ZNF793: variants seen among roughly 807,000 people sequenced by gnomAD.
ZNF793 encodes the protein zinc finger protein 793.
A neutral mutation model predicts 12.4 loss-of-function variants in ZNF793; 5 were observed. That is an observed-to-expected ratio of 0.40 (90% CI 0.21 to 0.84). The LOEUF (loss-of-function observed/expected upper bound fraction) is 0.84, where lower values mean the gene tolerates loss of function less well. Among genes scored for constraint, ZNF793 ranks in the 40% least tolerant of loss-of-function variants. ZNF793 has a pLI of 0.35. For synonymous variants in ZNF793, 162 were observed against 172.4 expected (o/e 0.94, Z 0.47); for missense variants, 456 against 495.0 (o/e 0.92, Z 0.75).
intron 2 of ZNF793, among the ~76,000 whole-genome samples, chr19:37,517,842 CATT>C (rs2042344966): frequency 1.3e-5 from 2 of 151,450 alleles, no homozygotes; most frequent in African/African-American, 4.9e-5. Context: ...TTTGATTTGT[CATT>C]ATTGTACATT....
chr19:37,538,533 G>A lies in ZNF793; in HGVS notation c.*654G>A, dbSNP rs920185010. ...AGGCTGGTCTCGAACTCCTGACCTC[G>A]TGATACCCCCCAACCCCCCGCCCTT... On this transcript the variant is annotated 3_prime_UTR_variant, in exon 8 of 8. Coordinates refer to ENST00000627814, the MANE Select transcript of ZNF793 (RefSeq NM_001013659.3). The A allele has an allele frequency of 7.2e-5, 11 of 152,126 alleles. No homozygotes were observed. Among genetic ancestry groups the A allele is most frequent in the Non-Finnish European group, 7.3e-5 (5 of 68,108 alleles). The allele number at this position is 152,126 out of a possible 1,614,324, so 9.4% of individuals were successfully genotyped here. A position where few individuals can be genotyped will look rare whatever the true frequency, so the allele number is the denominator to read the frequency against.
chr19:37,532,528 A>G, intron 6 of ZNF793, 46 bp downstream of exon 6: 1 of 1,510,936 alleles, frequency 6.6e-7, no homozygotes, highest in South Asian at 1.3e-5. Flanking sequence ...TCGAATGACC[A>G]CCTTTCCTTT....
intron 2 of ZNF793, among the ~76,000 whole-genome samples, chr19:37,512,876 T>C (rs1018303624): frequency 2.6e-5 from 4 of 152,240 alleles, no homozygotes; most frequent in African/African-American, 9.6e-5. Flanking sequence ...TTACATGTTG[T>C]ATTTAGTTGT....
chr19:37,517,959 A>G (rs2042345693), intron 2 of ZNF793, among the ~76,000 whole-genome samples: 1 of 152,162 alleles, frequency 6.6e-6, no homozygotes, highest in South Asian at 2.1e-4. Context: ...AATTCCTTTC[A>G]GTCCCTTCAC....
In ZNF793 at chr19:37,536,725, C is replaced by A. The variant is rs781666481; in HGVS notation, c.239-172C>A. The A allele has an allele frequency of 7.0e-4, 457 of 649,878 alleles. 1 individual carries two copies. The highest frequency in any genetic ancestry group is 1.0e-3 in the Non-Finnish European group (390 of 389,366). The allele number at this position is 649,878 out of a possible 1,614,324, so 40.3% of individuals were successfully genotyped here. A position where few individuals can be genotyped will look rare whatever the true frequency, so the allele number is the denominator to read the frequency against. On this transcript the variant is annotated intron_variant, in intron 7 of 7. Coordinates refer to ENST00000627814, the MANE Select transcript of ZNF793 (RefSeq NM_001013659.3). ...CTATACTCTATGATATATTGAATTC[C>A]ATTTGTGCCAGTGTTCAGAATCCTC...
intron 1 of ZNF793, among the ~76,000 whole-genome samples, chr19:37,507,817 G>C (rs1000138370): frequency 5.3e-5 from 8 of 152,176 alleles, no homozygotes; most frequent in African/African-American, 1.9e-4. Context: ...GTTCTTTGTA[G>C]TTACTGACCT....
chr19:37,534,724 C>T (rs1288498853), intron 7 of ZNF793: 2 of 152,106 alleles, frequency 1.3e-5, no homozygotes, highest in Non-Finnish European at 2.9e-5. Flanking sequence ...CTCTGTCACC[C>T]AGGCTGGAGT....
At chr19:37,517,647 A>G (rs1274745463) in intron 2 of ZNF793, among the ~76,000 whole-genome samples, 3 of 152,106 alleles carry the variant, frequency 2.0e-5, no homozygotes, top group Non-Finnish European at 4.4e-5. Context: ...CTTTATGTAG[A>G]AATGGAGTAG....
intron 2 of ZNF793, among the ~76,000 whole-genome samples, chr19:37,516,417 A>T (rs1311001972): frequency 6.6e-6 from 1 of 152,138 alleles, no homozygotes; most frequent in African/African-American, 2.4e-5. Flanking sequence ...TACAGGTGTG[A>T]GCCACTGTGC....
Position 37,536,934 on chromosome 19 carries a change from G to T in ZNF793, c.276G>T (p.Arg92=). 6.2e-7 allele frequency: 1 copy of T among 1,612,730 alleles called. No homozygotes were observed. The highest frequency in any genetic ancestry group is 8.5e-7 in the Non-Finnish European group (1 of 1,179,532). ...IWRVNIQRKR[R]QDMLLRPGAA... is the part of the protein sequence containing the mutation. Reference sequence around the variant, plus strand: ...GAGTTAATATCCAGAGGAAAAGACGGCAAGACATGCTTTTGAGGCCAGGCG... The same window carrying T: ...GAGTTAATATCCAGAGGAAAAGACGTCAAGACATGCTTTTGAGGCCAGGCG... Residue 92 remains arginine (R), a synonymous_variant, in exon 8 of 8, where the codon CGG becomes CGT. Transcript: ENST00000627814.
chr19:37,526,859 A>G (rs760990836), intron 5 of ZNF793, among the ~76,000 whole-genome samples: 1 of 152,220 alleles, frequency 6.6e-6, no homozygotes, highest in Non-Finnish European at 1.5e-5. Context: ...CAGTGGCCCC[A>G]GCACTGCAAT....
chr19:37,506,871 T>A (rs2042252935), upstream of ZNF793: 1 of 152,262 alleles, frequency 6.6e-6, no homozygotes, highest in South Asian at 2.1e-4. Flanking sequence ...CCCAGAATCC[T>A]GTTCACTGGA....
rs760983396 is a variant in ZNF793 at position 37,537,882 on chromosome 19, A to G, written c.*3A>G. The G allele has an allele frequency of 6.4e-7, 1 of 1,565,772 alleles. No homozygotes were observed. The highest frequency in any genetic ancestry group is 2.0e-5 in the Admixed American group (1 of 51,134). On this transcript the variant is annotated 3_prime_UTR_variant, in exon 8 of 8. Coordinates refer to ENST00000627814, the MANE Select transcript of ZNF793 (RefSeq NM_001013659.3). Reference sequence around the variant, plus strand: ...TAATAATTGTGGGAAATACTTGAGCAAAATATCTGGTTTCATGGTATGTAG... The same window carrying G: ...TAATAATTGTGGGAAATACTTGAGCGAAATATCTGGTTTCATGGTATGTAG...
chr19:37,537,022 A>G lies in ZNF793; in HGVS notation c.364A>G (p.Ile122Val). Residue 122 changes from isoleucine (I) to valine (V), a missense_variant, in exon 8 of 8, where the codon ATA becomes GTA. Ile to Val is a conservative substitution (Grantham distance 29). Transcript: ENST00000627814. The stretch of plus-strand genomic sequence containing the variant: ...CTGTGAATATAATAAGTTTGGGAAA[A>G]TATCACTTCTGAGCACTGATCTTTT... ...KSCEYNKFGKISLLSTDLFSS... is the reference protein window; with the variant it reads ...KSCEYNKFGKVSLLSTDLFSS... 1 of 1,613,996 alleles carries G rather than the reference A, an allele frequency of 6.2e-7. No individual in the cohort carries two copies.
intron 4 of ZNF793, 95 bp from the exon 5 acceptor site, chr19:37,523,315 C>G: frequency 1.0e-6 from 1 of 965,596 alleles, no homozygotes; most frequent in South Asian, 1.4e-5. Context: ...ACAATATTTA[C>G]AAAGGGAATT....
At chr19:37,524,243 A>G (rs1007682602) in intron 5 of ZNF793, among the ~76,000 whole-genome samples, 1 of 151,754 alleles carries the variant, frequency 6.6e-6, no homozygotes, top group Non-Finnish European at 1.5e-5. Context: ...ATGTAGATAC[A>G]GTGGCAAGAT....
intron 2 of ZNF793, among the ~76,000 whole-genome samples, chr19:37,510,132 A>G (rs1400658012): frequency 6.6e-6 from 1 of 152,058 alleles, no homozygotes; most frequent in Admixed American, 6.6e-5. Context: ...AGGCTGGGGT[A>G]GGAGGGTTGT....
chr19:37,528,956 C>G (rs1350614248), intron 5 of ZNF793, among the ~76,000 whole-genome samples: 1 of 152,138 alleles, frequency 6.6e-6, no homozygotes, highest in Non-Finnish European at 1.5e-5. Flanking sequence ...ACAAAACCCA[C>G]ATGTCCACGT....
At chr19:37,536,387 C>A in intron 7 of ZNF793, 1 of 399,186 alleles carries the variant, frequency 2.5e-6, no homozygotes, top group Non-Finnish European at 4.4e-6. Context: ...CCAAGTAAGG[C>A]CAAAATTGCC....
Sources: gnomAD v4.1 joint callset for allele counts (sites outside exome capture counted in the v4.1 genomes callset) on GRCh38, gnomAD v4.1.1 for gene constraint, MANE v1.5 for transcripts, NCBI Gene and HGNC (gene_info 2026-07-23, HGNC 2026-07-21) for gene names.